PDE4D: variants seen among roughly 807,000 people sequenced by gnomAD.
PDE4D encodes the protein phosphodiesterase 4D, also known as 3',5'-cyclic-AMP phosphodiesterase 4D.
PDE4D carries 24 observed loss-of-function variants against 87.4 expected under a neutral mutation model. The ratio of observed to expected loss-of-function variants is 0.27; its 90% CI spans 0.20 to 0.39. The LOEUF (loss-of-function observed/expected upper bound fraction) is 0.39. Among genes scored for constraint, PDE4D ranks in the 10% least tolerant of loss-of-function variants. PDE4D has a pLI of 1.00. For missense variants in PDE4D, 714 were observed against 1,041.0 expected (o/e 0.69, Z 4.32); for synonymous variants, 384 against 383.2 (o/e 1.00, Z -0.02).
At chr5:59,388,336 A>G (rs1038000692) in intron 1 of PDE4D, among the ~76,000 whole-genome samples, 13 of 152,044 alleles carry the variant, frequency 8.6e-5, no homozygotes, top group African/African-American at 3.1e-4. Flanking sequence ...AGTACAAAAA[A>G]GATGAAAGAT....
rs114170276 is a variant in PDE4D at position 59,851,777 on chromosome 5, C to T, written c.455+41391G>A. On this transcript the variant is annotated intron_variant, in intron 1 of 14. Transcript: ENST00000340635. ...AACTGCCATATTGTGAAGAGGGTTACGCAGTACAGAATGGCAGGTGGTCTC... is the reference window on the plus strand; with the variant it reads ...AACTGCCATATTGTGAAGAGGGTTATGCAGTACAGAATGGCAGGTGGTCTC... Among the ~76,000 whole-genome samples the T allele has an allele frequency of 2.1e-3, 326 of 152,026 alleles. 1 individual carries two copies. The highest frequency in any genetic ancestry group is 7.4e-3 in the African/African-American group (308 of 41,492).
intron 2 of PDE4D, among the ~76,000 whole-genome samples, chr5:60,064,202 A>G (rs750342785): frequency 2.0e-4 from 30 of 152,116 alleles, no homozygotes; most frequent in Non-Finnish European, 3.7e-4. Flanking sequence ...ATAAAAGTTA[A>G]TACTTACGGA....
chr5:59,315,009 C>A (rs1420619816), intron 1 of PDE4D, among the ~76,000 whole-genome samples: 2 of 152,102 alleles, frequency 1.3e-5, no homozygotes, highest in African/African-American at 4.8e-5. Flanking sequence ...GGGGAAAGAG[C>A]CTGGGAACTT....
intron 1 of PDE4D, among the ~76,000 whole-genome samples, chr5:59,544,582 G>A (rs80087809): frequency 6.6e-6 from 1 of 152,324 alleles, no homozygotes; most frequent in Non-Finnish European, 1.5e-5. Context: ...ATTACTTTTA[G>A]TTAACATTCA....
chr5:59,511,963 T>C (rs1482722952), intron 1 of PDE4D, among the ~76,000 whole-genome samples: 2 of 152,084 alleles, frequency 1.3e-5, no homozygotes, highest in African/African-American at 4.8e-5. Context: ...TAATTTGAGG[T>C]CTGAAGTGGG....
At chr5:59,268,151 A>T (rs763087207) in intron 1 of PDE4D, among the ~76,000 whole-genome samples, 1 of 152,026 alleles carries the variant, frequency 6.6e-6, no homozygotes, top group Non-Finnish European at 1.5e-5. Context: ...TATTCTGAAG[A>T]GCAGTTCACC....
At chr5:59,276,021 A>G (rs1475889266) in intron 1 of PDE4D, 3 of 984,552 alleles carry the variant, frequency 3.0e-6, no homozygotes, top group Non-Finnish European at 3.6e-6. Flanking sequence ...GGTTTTGTGA[A>G]TGAGAACTAT....
intron 1 of PDE4D, among the ~76,000 whole-genome samples, chr5:59,378,422 C>T (rs920814452): frequency 6.6e-6 from 1 of 151,758 alleles, no homozygotes; most frequent in Non-Finnish European, 1.5e-5. Flanking sequence ...TACCCCTGAA[C>T]TTAAAAGTTA....
At chr5:59,583,531 A>G (rs1824572633) in intron 1 of PDE4D, among the ~76,000 whole-genome samples, 1 of 152,240 alleles carries the variant, frequency 6.6e-6, no homozygotes, top group South Asian at 2.1e-4. Context: ...AGCCTTCGCA[A>G]TAAAATCCTC....
At chr5:59,214,292 A>G (rs561913067) in intron 2 of PDE4D, among the ~76,000 whole-genome samples, 1 of 152,204 alleles carries the variant, frequency 6.6e-6, no homozygotes, top group African/African-American at 2.4e-5. Context: ...CTCAGCTAAA[A>G]ACCTCTGTGG....
At chr5:59,285,619 A>G (rs1387897789) in intron 1 of PDE4D, among the ~76,000 whole-genome samples, 1 of 152,202 alleles carries the variant, frequency 6.6e-6, no homozygotes, top group Non-Finnish European at 1.5e-5. Context: ...ATCATTGATA[A>G]GAAGCGAAAA....
chr5:60,296,105 G>C (rs1753357274), intron 1 of PDE4D, among the ~76,000 whole-genome samples: 1 of 152,116 alleles, frequency 6.6e-6, no homozygotes, highest in South Asian at 2.1e-4. Context: ...ACACCCCCTA[G>C]AGGCCTCAAC....
chr5:59,652,096 A>G (rs923233340), intron 1 of PDE4D, among the ~76,000 whole-genome samples: 8 of 152,100 alleles, frequency 5.3e-5, no homozygotes, highest in Admixed American at 1.3e-4. Context: ...TTGCAGACCA[A>G]CTTCTTCTAT....
chr5:59,232,902 T>C (rs1166119405), intron 1 of PDE4D, among the ~76,000 whole-genome samples: 1 of 151,850 alleles, frequency 6.6e-6, no homozygotes, highest in African/African-American at 2.4e-5. Context: ...TGCAGCAACA[T>C]GAATTGACCT....
intron 1 of PDE4D, among the ~76,000 whole-genome samples, chr5:59,247,829 A>G (rs1759150412): frequency 6.6e-6 from 1 of 151,840 alleles, no homozygotes; most frequent in African/African-American, 2.4e-5. Flanking sequence ...TAACTTGAAC[A>G]TACGTCTTAT....
At chr5:60,492,559 G>T (rs1323153740), upstream of PDE4D, among the ~76,000 whole-genome samples, 1 of 152,166 alleles carries the variant, frequency 6.6e-6, no homozygotes, top group African/African-American at 2.4e-5. Context: ...ATACTATGCA[G>T]CCATAAAAAA....
intron 3 of PDE4D, chr5:59,986,805 T>C (rs1762495006): frequency 6.6e-6 from 1 of 152,202 alleles, no homozygotes; most frequent in African/African-American, 2.4e-5. Flanking sequence ...TGGAAGTTTG[T>C]ATATCCTAGG....
intron 1 of PDE4D, among the ~76,000 whole-genome samples, chr5:59,535,553 C>T (rs1815045531): frequency 6.6e-6 from 1 of 152,108 alleles, no homozygotes; most frequent in Non-Finnish European, 1.5e-5. Context: ...CAAGCTGATA[C>T]CTATTTGGGC....
At chr5:59,742,598 A>G (rs1031149363) in intron 1 of PDE4D, among the ~76,000 whole-genome samples, 2 of 152,212 alleles carry the variant, frequency 1.3e-5, no homozygotes, top group African/African-American at 4.8e-5. Context: ...TCAATGTGGT[A>G]AGCATTATGT....
Sources: gnomAD v4.1 joint callset for allele counts (sites outside exome capture counted in the v4.1 genomes callset) on GRCh38, gnomAD v4.1.1 for gene constraint, MANE v1.5 for transcripts, NCBI Gene and HGNC (gene_info 2026-07-23, HGNC 2026-07-21) for gene names.